The following RNF141 variants were observed in gnomAD, a reference collection of about 807,000 sequenced individuals.
RNF141 encodes ring finger protein 141.
RNF141 carries 18 observed loss-of-function variants against 27.4 expected under a neutral mutation model. The ratio of observed to expected loss-of-function variants is 0.66; its 90% CI spans 0.45 to 0.97. The LOEUF is 0.97. Ranked by LOEUF, RNF141 falls within the 50% of genes least tolerant of loss-of-function variation. The probability of loss-of-function intolerance (pLI) is 0.00; values close to 1 mark genes in which losing one functional copy is unlikely to be tolerated. For missense variants in RNF141, 230 were observed against 279.4 expected (o/e 0.82, Z 1.26); for synonymous variants, 97 against 96.6 (o/e 1.00, Z -0.02).
At chr11:10,539,666 G>T (rs2133978697) in intron 1 of RNF141, among the ~76,000 whole-genome samples, 2 of 10,170 alleles carry the variant, frequency 2.0e-4, no homozygotes, top group Non-Finnish European at 2.3e-4. Context: ...CAGAATCAAA[G>T]ATCTTGATCA....
rs145731752 is a variant in RNF141 at position 10,519,849 on chromosome 11, G to A, written c.435-708C>T. Among the ~76,000 whole-genome samples, 366 of 152,336 alleles carry A rather than the reference G, an allele frequency of 2.4e-3. 1 individual carries two copies. The highest frequency in any genetic ancestry group is 8.4e-3 in the African/African-American group (349 of 41,570). ...CTCTAGGTGAGTCAGTGAGTGAGTA[G>A]TGGTGAGTGGATATGAAGGCCTAGG... On this transcript the variant is annotated intron_variant, in intron 4 of 5. Transcript: ENST00000265981.
rs750427906 is a variant in RNF141, at chr11:10,519,140, C to T, written c.436G>A (p.Val146Met). 2.5e-6 allele frequency: 4 copies of T among 1,612,824 alleles called. No individual in the cohort carries two copies. Among genetic ancestry groups the T allele is most frequent in the East Asian group, 2.2e-5 (1 of 44,870 alleles). Residue 146 changes from valine (V) to methionine (M), a missense_variant and splice_region_variant, in exon 5 of 6, where the codon GTG becomes ATG. By Grantham distance (21) the Val-to-Met change is conservative (BLOSUM62 1). Transcript: ENST00000265981. ...SCQASLWMGR[V>M]KQLTDEEECC... ...TCCTCCTCATCGGTCAGCTGCTTCACCCTGCAATGTGAAAACTGAGCTGAA... is the reference window on the plus strand; with the variant it reads ...TCCTCCTCATCGGTCAGCTGCTTCATCCTGCAATGTGAAAACTGAGCTGAA...
Position 10,511,906 on chromosome 11 carries a change from G to A in RNF141, c.*3010C>T, listed in dbSNP as rs1849803195. 6.6e-6 allele frequency: 1 copy of A among 152,614 alleles called. No homozygotes were observed. The highest frequency in any genetic ancestry group is 1.5e-5 in the Non-Finnish European group (1 of 68,042). 9.5% of individuals were successfully genotyped at this position (152,614 alleles called of 1,614,324 possible). On this transcript the variant is annotated 3_prime_UTR_variant, in exon 6 of 6. Coordinates refer to ENST00000265981, the MANE Select transcript of RNF141 (RefSeq NM_016422.4). The stretch of plus-strand genomic sequence containing the variant: ...TATATTAGAATGTGAAATTACATAG[G>A]AAAATAATCTCTTCAATTAGCTAAA...
chr11:10,519,720 T>C (rs1297067472), intron 4 of RNF141, among the ~76,000 whole-genome samples: 1 of 136,880 alleles, frequency 7.3e-6, no homozygotes, highest in Non-Finnish European at 1.7e-5. Flanking sequence ...TCTAAATGTA[T>C]CTGAACACAG....
rs1330301830 is a variant in RNF141 at position 10,539,687 on chromosome 11, C to CATATATATATATATATATATATATAT, written c.-48+1434_-48+1435insATATATATATATATATATATATATAT. On this transcript the variant is annotated intron_variant, in intron 1 of 5. Coordinates refer to ENST00000265981, the MANE Select transcript of RNF141 (RefSeq NM_016422.4). ...CAAAGATCTTGATCAGAAAAAGATA[C>CATATATATATATATATATATATATAT]ATACATATATATTAGAGAGAGAAGG... is the stretch of plus-strand genomic sequence containing the variant. Among the ~76,000 whole-genome samples the CATATATATATATATATATATATATAT allele has an allele frequency of 8.3e-4, 42 of 50,856 alleles. 2 individuals carry two copies. The highest frequency in any genetic ancestry group is 1.7e-3 in the East Asian group (3 of 1,730). 33.4% of individuals were successfully genotyped at this position (50,856 alleles called of 152,430 possible).
chr11:10,513,479 G>A lies in RNF141; in HGVS notation c.*1437C>T, dbSNP rs1263080872. 1 of 152,074 alleles carries A rather than the reference G, an allele frequency of 6.6e-6. No homozygotes were observed. The highest frequency in any genetic ancestry group is 1.5e-5 in the Non-Finnish European group (1 of 68,014). 9.4% of individuals were successfully genotyped at this position (152,074 alleles called of 1,614,324 possible). ...TTTTATTACATGCCGAAATGTTAAT[G>A]TTAGAAATTTTAGTTCATAAGCAAA... is the stretch of plus-strand genomic sequence containing the variant. On this transcript the variant is annotated 3_prime_UTR_variant, in exon 6 of 6. Transcript: ENST00000265981.
chr11:10,515,696 GAAGA>G (rs1849837813), intron 5 of RNF141: 1 of 152,142 alleles, frequency 6.6e-6, no homozygotes, highest in African/African-American at 2.4e-5. Flanking sequence ...AATATGACAA[GAAGA>G]AAGGATATTA....
At chr11:10,530,386 A>G (rs1212818567) in intron 3 of RNF141, among the ~76,000 whole-genome samples, 1 of 152,222 alleles carries the variant, frequency 6.6e-6, no homozygotes, top group Non-Finnish European at 1.5e-5. Flanking sequence ...AAACAGAGAT[A>G]GAAGATTAGT....
At chr11:10,521,403 T>C (rs1849886679) in intron 4 of RNF141, among the ~76,000 whole-genome samples, 2 of 152,222 alleles carry the variant, frequency 1.3e-5, no homozygotes, top group South Asian at 2.1e-4. Context: ...CTTTTAACCT[T>C]TGTGCTTTTT....
In RNF141 at chr11:10,513,762, C is replaced by CTCCA. The variant is rs1460716988; in HGVS notation, c.*1150_*1153dup. The stretch of plus-strand genomic sequence containing the variant: ...TGGTGTGATCTCGGCTCACTGCAAC[C>CTCCA]TCCACCTCCTGGGTTCAAGCAATTC... On this transcript the variant is annotated 3_prime_UTR_variant, in exon 6 of 6. Transcript: ENST00000265981. 1 of 151,242 alleles carries CTCCA rather than the reference C, an allele frequency of 6.6e-6. No homozygotes were observed. The highest frequency in any genetic ancestry group is 2.4e-5 in the African/African-American group (1 of 41,062). 9.4% of individuals were successfully genotyped at this position (151,242 alleles called of 1,614,324 possible). A position where few individuals can be genotyped will look rare whatever the true frequency, so the allele number is the denominator to read the frequency against.
At chr11:10,539,700 T>TATATAGAGAGAGAGAGAGAGAGAGAGAG (rs1850073338) in intron 1 of RNF141, among the ~76,000 whole-genome samples, 1 of 4,012 alleles carries the variant, frequency 2.5e-4, no homozygotes, top group African/African-American at 3.8e-4. Context: ...ACATATATAT[T>TATATAGAGAGAGAGAGAGAGAGAGAGAG]AGAGAGAGAA....
chr11:10,526,450 A>C (rs1395651569), intron 3 of RNF141, among the ~76,000 whole-genome samples: 1 of 152,168 alleles, frequency 6.6e-6, no homozygotes, highest in Non-Finnish European at 1.5e-5. Flanking sequence ...TTAATTGCTT[A>C]CTATTTGAAA....
chr11:10,529,870 A>T (rs1274518104), intron 3 of RNF141, among the ~76,000 whole-genome samples: 67 of 152,180 alleles, frequency 4.4e-4, no homozygotes. Context: ...TAAAACTGAC[A>T]ATCTACTGAG....
At position 10,514,785 on chromosome 11, in the gene RNF141, C is replaced by G. The variant is rs969297422; in HGVS notation, c.*131G>C. The G allele has an allele frequency of 2.5e-6, 2 of 799,780 alleles. No homozygotes were observed. The highest frequency in any genetic ancestry group is 3.6e-5 in the African/African-American group (2 of 55,860). The allele number at this position is 799,780 out of a possible 1,614,324, so 49.5% of individuals were successfully genotyped here. On this transcript the variant is annotated 3_prime_UTR_variant, in exon 6 of 6. Transcript: ENST00000265981. Reference sequence around the variant, plus strand: ...TATTTTTAAAAGGGGGACAAATGATCAGAATAGCAAAAATAAAAGAGTGGG... The same window carrying G: ...TATTTTTAAAAGGGGGACAAATGATGAGAATAGCAAAAATAAAAGAGTGGG...
intron 1 of RNF141, among the ~76,000 whole-genome samples, chr11:10,536,324 A>T (rs7112744): frequency 0.1 from 15,492 of 152,178 alleles, 1,315 homozygotes; most frequent in African/African-American, 0.23. Context: ...GTAATTTTTA[A>T]AAAGGCCACA....
At chr11:10,517,013 A>G (rs139011435) in intron 5 of RNF141, 71 of 152,344 alleles carry the variant, frequency 4.7e-4, no homozygotes, top group African/African-American at 1.6e-3. Context: ...AGACATACAA[A>G]AAAGCAGCAG....
In RNF141 at chr11:10,515,056, G is replaced by A. The variant is rs1849832806; in HGVS notation, c.553C>T (p.His185Tyr). The change falls in exon 6 of 6, where the codon CAC becomes TAC. Residue 185 changes from histidine (H) to tyrosine (Y), a missense_variant. Coordinates refer to ENST00000265981, the MANE Select transcript of RNF141 (RefSeq NM_016422.4). ...AGGCGACAAATAGGGCAATTCCTGT[G>A]TCGATCACTCCTATTAGAGAAGTCA... ...QKCIDKWSDR[H>Y]RNCPICRLQM... The A allele has an allele frequency of 6.2e-7, 1 of 1,613,110 alleles. No individual in the cohort carries two copies. The highest frequency in any genetic ancestry group is 8.5e-7 in the Non-Finnish European group (1 of 1,179,624).
intron 4 of RNF141, among the ~76,000 whole-genome samples, chr11:10,519,664 AT>A (rs199746434): frequency 6.6e-6 from 1 of 152,138 alleles, no homozygotes. Flanking sequence ...ATGTTACTGT[AT>A]GGAACACTGT....
At chr11:10,535,296 T>C (rs543895014) in intron 1 of RNF141, among the ~76,000 whole-genome samples, 10 of 151,674 alleles carry the variant, frequency 6.6e-5, no homozygotes, top group Non-Finnish European at 1.2e-4. Context: ...TAAAATTTAA[T>C]GTACTGTATT....
Sources: allele counts gnomAD v4.1 joint callset (sites outside exome capture counted in the v4.1 genomes callset), GRCh38; gene constraint gnomAD v4.1.1; transcripts MANE v1.5; gene names NCBI Gene and HGNC (gene_info 2026-07-23, HGNC 2026-07-21).